Variants in SETBP1 observed in about 807,000 individuals in gnomAD.
The protein encoded by SETBP1 is SET-binding protein.
SETBP1 carries 9 observed loss-of-function variants against 101.0 expected under a neutral mutation model. The ratio of observed to expected loss-of-function variants is 0.09; its 90% CI spans 0.05 to 0.16. The LOEUF (loss-of-function observed/expected upper bound fraction) is 0.16, where lower values mean the gene tolerates loss of function less well. Among genes scored for constraint, SETBP1 ranks in the 10% least tolerant of loss-of-function variants. The pLI, the probability that SETBP1 is intolerant of heterozygous loss-of-function variation, is 1.00. For synonymous variants in SETBP1, 818 were observed against 788.5 expected (o/e 1.04, Z -0.63); for missense variants, 1,858 against 2,033.8 (o/e 0.91, Z 1.66).
intron 1 of SETBP1, among the ~76,000 whole-genome samples, chr18:44,693,453 T>C (rs1398941943): frequency 6.6e-6 from 1 of 151,854 alleles, no homozygotes; most frequent in African/African-American, 2.4e-5. Flanking sequence ...AAAAGGGGAG[T>C]TATGATCTGG....
At chr18:44,956,944 C>T (rs1033740916) in intron 4 of SETBP1, among the ~76,000 whole-genome samples, 6 of 152,192 alleles carry the variant, frequency 3.9e-5, no homozygotes, top group East Asian at 1.9e-4. Context: ...CTGTATTTTA[C>T]GCCTCCTTTT....
intron 2 of SETBP1, among the ~76,000 whole-genome samples, chr18:44,749,602 T>C (rs1055103254): frequency 6.6e-6 from 1 of 152,138 alleles, no homozygotes; most frequent in Non-Finnish European, 1.5e-5. Context: ...TGAGAGAAAA[T>C]TGATCTGCAA....
intron 2 of SETBP1, among the ~76,000 whole-genome samples, chr18:44,763,409 C>A (rs1407510281): frequency 6.6e-6 from 1 of 152,162 alleles, no homozygotes; most frequent in African/African-American, 2.4e-5. Context: ...GTAAACTGAT[C>A]ACTCCCTCTA....
chr18:45,041,036 C>T (rs2073498263), intron 5 of SETBP1, among the ~76,000 whole-genome samples: 1 of 152,200 alleles, frequency 6.6e-6, no homozygotes, highest in South Asian at 2.1e-4. Context: ...GGGCTTGTGG[C>T]CAATGCTCTG....
chr18:44,723,775 G>A (rs1363851628), intron 2 of SETBP1, among the ~76,000 whole-genome samples: 2 of 152,178 alleles, frequency 1.3e-5, no homozygotes, highest in African/African-American at 2.4e-5. Context: ...AGTGGGGGTG[G>A]GGAGGGGAGA....
chr18:45,063,032 G>T (rs1294455287), intron 5 of SETBP1, 47 bp from the exon 6 acceptor site: 2 of 1,611,020 alleles, frequency 1.2e-6, no homozygotes, highest in Non-Finnish European at 1.7e-6. Flanking sequence ...TGAGTTGAAG[G>T]CACCTTGCAT....
At chr18:44,919,770 C>T (rs2070535918) in intron 3 of SETBP1, among the ~76,000 whole-genome samples, 1 of 151,320 alleles carries the variant, frequency 6.6e-6, no homozygotes. Flanking sequence ...ATTGTATGTA[C>T]ATATACACAC....
chr18:45,038,806 C>T (rs1224907589), intron 5 of SETBP1, 151 bp downstream of exon 5: 2 of 762,450 alleles, frequency 2.6e-6, no homozygotes, highest in Non-Finnish European at 4.4e-6. Flanking sequence ...AGCACTGGCT[C>T]TTTGAAGTGG....
chr18:44,685,321 A>C (rs1268141649), intron 1 of SETBP1, among the ~76,000 whole-genome samples: 1 of 152,172 alleles, frequency 6.6e-6, no homozygotes, highest in Non-Finnish European at 1.5e-5. Context: ...TATGCATGGC[A>C]TTTTGTTCTT....
chr18:44,754,121 G>A (rs956891364), intron 2 of SETBP1, among the ~76,000 whole-genome samples: 11 of 152,190 alleles, frequency 7.2e-5, no homozygotes, highest in Admixed American at 7.2e-4. Context: ...CCCAGTATTT[G>A]AAAATGACTT....
intron 2 of SETBP1, among the ~76,000 whole-genome samples, chr18:44,784,464 T>A (rs984436596): frequency 2.0e-5 from 3 of 152,342 alleles, no homozygotes; most frequent in Admixed American, 2.0e-4. Flanking sequence ...GTCACTTAGG[T>A]TTGGATCACA....
At chr18:44,792,327 T>C (rs1350673959) in intron 2 of SETBP1, among the ~76,000 whole-genome samples, 3 of 152,178 alleles carry the variant, frequency 2.0e-5, no homozygotes, top group East Asian at 1.9e-4. Flanking sequence ...CATGTCTGTG[T>C]ATGTTCCAGA....
intron 3 of SETBP1, among the ~76,000 whole-genome samples, chr18:44,886,053 G>C (rs1303501304): frequency 6.6e-6 from 1 of 151,908 alleles, no homozygotes; most frequent in Non-Finnish European, 1.5e-5. Flanking sequence ...CGGATGGTTT[G>C]GGAAGGACAA....
intron 2 of SETBP1, among the ~76,000 whole-genome samples, chr18:44,785,497 T>A (rs2071221890): frequency 6.6e-6 from 1 of 152,248 alleles, no homozygotes; most frequent in Admixed American, 6.5e-5. Context: ...GCAAATTTGC[T>A]TTCATTTGCT....
chr18:44,786,355 C>G (rs924778106), intron 2 of SETBP1, among the ~76,000 whole-genome samples: 1 of 152,148 alleles, frequency 6.6e-6, no homozygotes, highest in Non-Finnish European at 1.5e-5. Flanking sequence ...AGATTTAGTC[C>G]TAAGCTCTAG....
At chr18:44,996,199 A>G (rs181122471) in intron 4 of SETBP1, among the ~76,000 whole-genome samples, 17 of 152,320 alleles carry the variant, frequency 1.1e-4, no homozygotes, top group Admixed American at 1.1e-3. Flanking sequence ...TGCAGAGAAT[A>G]CATGTTTCAA....
chr18:44,911,327 G>A (rs1178583557), intron 3 of SETBP1, among the ~76,000 whole-genome samples: 1 of 152,002 alleles, frequency 6.6e-6, no homozygotes, highest in East Asian at 1.9e-4. Context: ...GTAATTGTGG[G>A]GTTTGTCATT....
rs1407155473 is a variant in SETBP1, at chr18:44,951,152, A to T, written c.1812A>T (p.Gly604=). ...TCACAGTCGAGACGATTCATGAGGG[A>T]ACTTCCACCAGCCCCGTCAGTCCCA... ...PLLTVETIHE[G]TSTSPVSPIS... is the part of the protein sequence containing the mutation. Residue 604 remains glycine (G), a synonymous_variant, in exon 4 of 6, where the codon GGA becomes GGT. Transcript: ENST00000649279. The surrounding 1 kb of genome is among the most constrained non-coding windows in gnomAD (Gnocchi z 7.8). 2.5e-6 allele frequency: 4 copies of T among 1,614,034 alleles called. No individual in the cohort carries two copies. Among genetic ancestry groups the T allele is most frequent in the South Asian group, 1.1e-5 (1 of 91,080 alleles).
At chr18:44,848,562 C>T (rs754710991) in intron 2 of SETBP1, among the ~76,000 whole-genome samples, 1 of 152,176 alleles carries the variant, frequency 6.6e-6, no homozygotes, top group Non-Finnish European at 1.5e-5. Flanking sequence ...TTTAATTTCT[C>T]CTCTGGCATT....
Sources: allele counts gnomAD v4.1 joint callset (sites outside exome capture counted in the v4.1 genomes callset), GRCh38; gene constraint gnomAD v4.1.1; non-coding constraint Gnocchi (gnomAD v3.1); transcripts MANE v1.5; gene names NCBI Gene and HGNC (gene_info 2026-07-23, HGNC 2026-07-21).